Variants in SCUBE1 observed in about 807,000 individuals in gnomAD.
The protein encoded by SCUBE1 is signal peptide, CUB and EGF-like domain-containing protein 1.
A neutral mutation model predicts 124.4 loss-of-function variants in SCUBE1; 59 were observed. That is an observed-to-expected ratio of 0.47 (90% CI 0.38 to 0.59). SCUBE1 has a LOEUF of 0.59. SCUBE1 is among the 20% of genes least tolerant of loss of function. The probability of loss-of-function intolerance (pLI) is 0.00; values close to 1 mark genes in which losing one functional copy is unlikely to be tolerated. For synonymous variants in SCUBE1, 545 were observed against 550.9 expected (o/e 0.99, Z 0.15); for missense variants, 1,150 against 1,371.2 (o/e 0.84, Z 2.55).
intron 3 of SCUBE1, among the ~76,000 whole-genome samples, chr22:43,302,574 G>A (rs1035853413): frequency 1.3e-5 from 2 of 152,210 alleles, no homozygotes; most frequent in Admixed American, 1.3e-4. Flanking sequence ...GGCAGTAGCT[G>A]TTTTGTAAAT....
At chr22:43,205,409 G>A (rs962158500) in intron 21 of SCUBE1, among the ~76,000 whole-genome samples, 12 of 152,014 alleles carry the variant, frequency 7.9e-5, no homozygotes, top group Non-Finnish European at 1.5e-4. Flanking sequence ...GCGGAGGTCT[G>A]GTTCCTGACA....
In SCUBE1 at chr22:43,210,021, G is replaced by A; in HGVS notation, c.2581+22C>T. On this transcript the variant is annotated intron_variant, in intron 19 of 21. Coordinates refer to ENST00000360835, the MANE Select transcript of SCUBE1 (RefSeq NM_173050.5). The surrounding 1 kb of genome is among the most constrained non-coding windows in gnomAD (Gnocchi z 4.5). ...GCACACGCAGCTGAGGCTGCCTCTG[G>A]TCCCCTCGGCCCCCAACATACCACT... 1.3e-6 allele frequency: 2 copies of A among 1,574,868 alleles called. No individual in the cohort carries two copies. The highest frequency in any genetic ancestry group is 1.7e-4 in the Middle Eastern group (1 of 5,784).
Position 43,220,265 on chromosome 22 carries a change from G to A in SCUBE1, c.1687+185C>T, listed in dbSNP as rs552631740. Among the ~76,000 whole-genome samples, 35 of 152,302 alleles carry A rather than the reference G, an allele frequency of 2.3e-4. 1 individual carries two copies. In the South Asian group the frequency reaches 6.4e-3, roughly 28 times the overall value. ...GCCTCTTCTATCCTGGGCTGCAAGC[G>A]TTGACCCCTGCCAGCTCCCTTTGCT... On this transcript the variant is annotated intron_variant, in intron 14 of 21. Transcript: ENST00000360835.
At chr22:43,329,480 G>C in intron 2 of SCUBE1, among the ~76,000 whole-genome samples, 1 of 152,368 alleles carries the variant, frequency 6.6e-6, no homozygotes. Context: ...GGCCACATAG[G>C]GCTGGGACCC....
chr22:43,334,614 A>G (rs1295649396), intron 2 of SCUBE1, among the ~76,000 whole-genome samples: 3 of 135,614 alleles, frequency 2.2e-5, no homozygotes, highest in Non-Finnish European at 5.1e-5. Flanking sequence ...CATCAACATT[A>G]TCATCACCAC....
intron 3 of SCUBE1, among the ~76,000 whole-genome samples, chr22:43,303,211 G>C (rs1244069566): frequency 6.6e-6 from 1 of 152,270 alleles, no homozygotes; most frequent in Non-Finnish European, 1.5e-5. Context: ...CGGCTGTGCG[G>C]CTGTTCCTTC....
rs200747641 is a variant in SCUBE1 at position 43,258,220 on chromosome 22, G to A, written c.726C>T (p.Ile242=). The A allele has an allele frequency of 3.1e-6, 5 of 1,608,760 alleles. No individual in the cohort carries two copies. Among genetic ancestry groups the A allele is most frequent in the East Asian group, 2.2e-5 (1 of 44,854 alleles). The change falls in exon 6 of 22, where the codon ATC becomes ATT. Residue 242 remains isoleucine (I), a splice_region_variant and synonymous_variant. Transcript: ENST00000360835. This position sits in a 1 kb window ranked among gnomAD's most constrained non-coding sequence, Gnocchi z 5.0. ...TGTGTGGCAGAGGTGCCTACTTACCGATGCACGTGCGACCGTCTGAGTGGA... is the reference window on the plus strand; with the variant it reads ...TGTGTGGCAGAGGTGCCTACTTACCAATGCACGTGCGACCGTCTGAGTGGA... ...YALHSDGRTC[I]ETCAVNNGGC... is the part of the protein sequence containing the mutation.
chr22:43,214,315 G>A (rs1921714749), intron 15 of SCUBE1, 64 bp from the exon 16 acceptor site: 2 of 1,511,630 alleles, frequency 1.3e-6, no homozygotes, highest in Non-Finnish European at 1.8e-6. Context: ...TGTCTCCTGT[G>A]TGCTCAAGCC....
At chr22:43,239,192 TGA>T (rs1435545353) in intron 6 of SCUBE1, among the ~76,000 whole-genome samples, 1 of 152,192 alleles carries the variant, frequency 6.6e-6, no homozygotes, top group East Asian at 1.9e-4. Context: ...TGGTGAGGGA[TGA>T]GTACACCGCA....
intron 6 of SCUBE1, among the ~76,000 whole-genome samples, chr22:43,254,556 C>A (rs1923584641): frequency 6.6e-6 from 1 of 152,200 alleles, no homozygotes; most frequent in African/African-American, 2.4e-5. Context: ...GAGCTCAGCC[C>A]TGCAGGGTGG....
At position 43,343,299 on chromosome 22, in the gene SCUBE1, G is replaced by GC; in HGVS notation, c.-39_-38insG. 1.3e-5 allele frequency: 13 copies of GC among 1,039,844 alleles called. No individual in the cohort carries two copies. Among genetic ancestry groups the GC allele is most frequent in the Non-Finnish European group, 1.5e-5 (13 of 856,178 alleles). The allele number at this position is 1,039,844 out of a possible 1,614,324, so 64.4% of individuals were successfully genotyped here. On this transcript the variant is annotated 5_prime_UTR_variant, in exon 1 of 22. Coordinates refer to ENST00000360835, the MANE Select transcript of SCUBE1 (RefSeq NM_173050.5). ...CCCCGCTGGGCGTGCGGGCGTGCGG[G>GC]GCGCGGGGACCCGACCGACCGGCCG...
At chr22:43,221,544 T>C (rs1922092401) in intron 12 of SCUBE1, among the ~76,000 whole-genome samples, 1 of 152,060 alleles carries the variant, frequency 6.6e-6, no homozygotes, top group Non-Finnish European at 1.5e-5. Context: ...AGAGGTCTTC[T>C]GAGAAGGAGG....
In SCUBE1 at chr22:43,208,062, T is replaced by C. The variant is rs1460413103; in HGVS notation, c.2734+10A>G. ...CGTGCACAGTGGGCCGTGAAGACAG[T>C]GGATCTTACCATCGTAGGTGACATA... is the stretch of plus-strand genomic sequence containing the variant. On this transcript the variant is annotated intron_variant, in intron 20 of 21. Transcript: ENST00000360835. The C allele has an allele frequency of 5.0e-6, 8 of 1,613,874 alleles. No homozygotes were observed. Among genetic ancestry groups the C allele is most frequent in the Non-Finnish European group, 6.8e-6 (8 of 1,179,964 alleles).
chr22:43,229,222 G>A (rs1232895723), intron 8 of SCUBE1, 34 bp from the exon 9 acceptor site: 3 of 1,085,104 alleles, frequency 2.8e-6, no homozygotes, highest in East Asian at 5.1e-5. Context: ...GTTGGGGGAG[G>A]AGTTTGAGGG....
intron 3 of SCUBE1, among the ~76,000 whole-genome samples, chr22:43,302,446 A>G (rs918233599): frequency 1.3e-5 from 2 of 152,196 alleles, no homozygotes; most frequent in Admixed American, 1.3e-4. Context: ...TAGACCACCT[A>G]TGGCAAGGCC....
At position 43,255,393 on chromosome 22, in the gene SCUBE1, G is replaced by T. The variant is rs1319840334; in HGVS notation, c.727+2826C>A. 3.8e-6 allele frequency: 4 copies of T among 1,056,966 alleles called. No homozygotes were observed. Among genetic ancestry groups the T allele is most frequent in the African/African-American group, 3.1e-5 (2 of 63,646 alleles). 65.5% of individuals were successfully genotyped at this position (1,056,966 alleles called of 1,614,324 possible). A position where few individuals can be genotyped will look rare whatever the true frequency, so the allele number is the denominator to read the frequency against. On this transcript the variant is annotated intron_variant, in intron 6 of 21. Transcript: ENST00000360835. This position sits in a 1 kb window ranked among gnomAD's most constrained non-coding sequence, Gnocchi z 4.7. ...TCACACCCACACACAGCACACACAC[G>T]CCCATGTCCACATGCCAGTGCGCAC...
At chr22:43,212,377 A>G in intron 17 of SCUBE1, 48 bp downstream of exon 17, 2 of 1,532,740 alleles carry the variant, frequency 1.3e-6, no homozygotes, top group Non-Finnish European at 1.8e-6. Flanking sequence ...GGAGCAGTGC[A>G]GCCCTGCCTC....
intron 4 of SCUBE1, among the ~76,000 whole-genome samples, chr22:43,278,746 C>CA (rs1333642052): frequency 6.6e-6 from 1 of 152,224 alleles, no homozygotes. Flanking sequence ...CCTGCCCCCC[C>CA]AGTGCAGCTC....
At chr22:43,281,828 C>G (rs557940819) in intron 4 of SCUBE1, 1 of 154,202 alleles carries the variant, frequency 6.5e-6, no homozygotes, top group Non-Finnish European at 1.4e-5. Flanking sequence ...ACAGGGCACC[C>G]TTCACTGTCA....
Sources: allele counts gnomAD v4.1 joint callset (sites outside exome capture counted in the v4.1 genomes callset), GRCh38; gene constraint gnomAD v4.1.1; non-coding constraint Gnocchi (gnomAD v3.1); transcripts MANE v1.5; gene names NCBI Gene and HGNC (gene_info 2026-07-23, HGNC 2026-07-21).